Variants in BACH1 observed in about 807,000 individuals in gnomAD.
BACH1 encodes the protein BTB domain and CNC homolog 1.
Under a neutral mutation model 52.9 loss-of-function variants are expected in BACH1, and 35 were observed. The observed-to-expected ratio is 0.66, with a 90% CI of 0.51 to 0.88. The LOEUF is 0.88. BACH1 is among the 40% of genes least tolerant of loss of function. The pLI is 0.00. For synonymous variants in BACH1, 321 were observed against 319.6 expected, an observed-to-expected ratio of 1.00 and a Z score of -0.05; for missense variants, 808 against 872.6, an observed-to-expected ratio of 0.93 and a Z score of 0.93.
intron 2 of BACH1, among the ~76,000 whole-genome samples, chr21:29,323,049 CA>C (rs1741964972): frequency 6.6e-6 from 1 of 152,010 alleles, no homozygotes; most frequent in Non-Finnish European, 1.5e-5. Flanking sequence ...CATAAGTTTT[CA>C]AATATTTGAA....
At chr21:29,335,067 T>G (rs2089028962) in intron 4 of BACH1, among the ~76,000 whole-genome samples, 2 of 152,186 alleles carry the variant, frequency 1.3e-5, no homozygotes, top group South Asian at 4.1e-4. Flanking sequence ...GACCTTGCAT[T>G]TGATACAAGT....
intron 2 of BACH1, among the ~76,000 whole-genome samples, chr21:29,324,998 G>A (rs928743412): frequency 6.6e-6 from 1 of 152,134 alleles, no homozygotes; most frequent in Non-Finnish European, 1.5e-5. Flanking sequence ...GGAGGCCTAG[G>A]CGAGTGGATC....
At chr21:29,335,590 G>C (rs1411384232) in intron 4 of BACH1, among the ~76,000 whole-genome samples, 2 of 152,152 alleles carry the variant, frequency 1.3e-5, no homozygotes, top group African/African-American at 2.4e-5. Context: ...AAAGTTAAAT[G>C]AATGGGTACC....
chr21:29,347,220 T>G (rs185529668), downstream of BACH1, among the ~76,000 whole-genome samples: 1 of 152,318 alleles, frequency 6.6e-6, no homozygotes, highest in Non-Finnish European at 1.5e-5. Context: ...TCTAGCTGTT[T>G]AGCCCAGTGA....
intron 3 of BACH1, 151 bp from the exon 4 acceptor site, chr21:29,329,336 T>G: frequency 1.1e-5 from 5 of 473,878 alleles, no homozygotes; most frequent in East Asian, 3.6e-5. Context: ...GATATCCTTT[T>G]GAGATTGTAT....
intron 2 of BACH1, among the ~76,000 whole-genome samples, chr21:29,352,375 G>A (rs2089207970): frequency 6.6e-6 from 1 of 152,120 alleles, no homozygotes; most frequent in Non-Finnish European, 1.5e-5. Context: ...TTGAAGCCTG[G>A]TTTTGATGCT....
rs140585235 is a variant in BACH1, at chr21:29,327,336, T to G, written c.1512T>G (p.Ser504=). Residue 504 remains serine (S), a synonymous_variant, in exon 3 of 5, where the codon TCT becomes TCG. Transcript: ENST00000286800. Reference sequence around the variant, plus strand: ...GTGTCATTAGCTTGGGAGACGACTCTGAGACGGACACCGAAGGAGACAGTG... The same window carrying G: ...GTGTCATTAGCTTGGGAGACGACTCGGAGACGGACACCGAAGGAGACAGTG... The part of the protein sequence containing the change: ...YACVISLGDD[S]ETDTEGDSES... 273 of 1,614,228 alleles carry G rather than the reference T, an allele frequency of 1.7e-4. No homozygotes were observed. In the African/African-American group the frequency reaches 3.4e-3, roughly 20 times the overall value.
In BACH1 at chr21:29,342,822, A is replaced by G. The variant is rs776444258; in HGVS notation, c.2200A>G (p.Thr734Ala). 2.5e-6 allele frequency: 4 copies of G among 1,584,016 alleles called. No homozygotes were observed. The highest frequency in any genetic ancestry group is 2.6e-6 in the Non-Finnish European group (3 of 1,161,092). The change falls in exon 5 of 5, where the codon ACT becomes GCT. Residue 734 changes from threonine (T) to alanine (A), a missense_variant. By Grantham distance (58) the Thr-to-Ala change is moderately conservative. Transcript: ENST00000286800. Reference sequence around the variant, plus strand: ...TCAGCAGATGACTGATAAATGTACTACTGATGAGTAAACTTGCATTCACTT... The same window carrying G: ...TCAGCAGATGACTGATAAATGTACTGCTGATGAGTAAACTTGCATTCACTT... ...FCQQMTDKCT[T>A]DE
rs1326120679 is a variant in BACH1 at position 29,326,927 on chromosome 21, C to T, written c.1103C>T (p.Pro368Leu). The T allele has an allele frequency of 3.1e-6, 5 of 1,614,092 alleles. No homozygotes were observed. The highest frequency in any genetic ancestry group is 4.2e-6 in the Non-Finnish European group (5 of 1,180,052). Reference protein sequence around the residue: ...EKTFGESQDLPLKSDLGTRED... With the variant: ...EKTFGESQDLLLKSDLGTRED... ...ACATTTGGTGAAAGTCAGGATTTAC[C>T]TTTGAAATCCGACTTGGGCACCAGG... Residue 368 changes from proline (P) to leucine (L), a missense_variant, in exon 3 of 5, where the codon CCT (proline) becomes CTT (leucine). Pro to Leu is a moderately conservative substitution (Grantham distance 98). Coordinates refer to ENST00000286800, the MANE Select transcript of BACH1 (RefSeq NM_001186.4).
chr21:29,327,831 A>C (rs2088932753), intron 3 of BACH1, among the ~76,000 whole-genome samples: 1 of 152,226 alleles, frequency 6.6e-6, no homozygotes, highest in African/African-American at 2.4e-5. Context: ...AAAATTTTTT[A>C]AAAACACTGT....
chr21:29,324,826 A>G (rs1456966154), intron 2 of BACH1, among the ~76,000 whole-genome samples: 1 of 152,168 alleles, frequency 6.6e-6, no homozygotes, highest in East Asian at 1.9e-4. Flanking sequence ...CCCACTAGCA[A>G]TATGTGAGTG....
downstream of BACH1, among the ~76,000 whole-genome samples, chr21:29,347,983 A>G (rs775342670): frequency 2.6e-5 from 4 of 152,174 alleles, no homozygotes; most frequent in Non-Finnish European, 5.9e-5. Flanking sequence ...ACTTTTAGAG[A>G]AAAAAATTCA....
intron 4 of BACH1, among the ~76,000 whole-genome samples, chr21:29,341,085 G>A (rs2089107320): frequency 6.6e-6 from 1 of 151,478 alleles, no homozygotes; most frequent in Non-Finnish European, 1.5e-5. Flanking sequence ...AATATTACAA[G>A]GCTTTAAAAT....
chr21:29,313,734 A>G (rs539107942), intron 1 of BACH1, among the ~76,000 whole-genome samples: 3 of 152,346 alleles, frequency 2.0e-5, no homozygotes, highest in Admixed American at 2.0e-4. Flanking sequence ...ATGTGATTCT[A>G]TTTGTATAAA....
At chr21:29,300,075 C>T (rs958192180) in intron 1 of BACH1, 5 of 152,206 alleles carry the variant, frequency 3.3e-5, no homozygotes, top group Non-Finnish European at 7.3e-5. Flanking sequence ...TTGCTTCTTC[C>T]TGGTCTTTGG....
chr21:29,318,682 G>A (rs1477183993), intron 1 of BACH1, among the ~76,000 whole-genome samples: 2 of 152,214 alleles, frequency 1.3e-5, no homozygotes, highest in African/African-American at 4.8e-5. Flanking sequence ...AGGATGAGAA[G>A]CGGTGGGCCA....
intron 1 of BACH1, among the ~76,000 whole-genome samples, chr21:29,306,645 A>C (rs545244640): frequency 1.3e-5 from 2 of 152,272 alleles, no homozygotes; most frequent in East Asian, 3.9e-4. Context: ...TTAGAAAGTG[A>C]GGGGGTGAAT....
At chr21:29,353,673 G>A (rs1238749828) in intron 2 of BACH1, among the ~76,000 whole-genome samples, 3 of 152,128 alleles carry the variant, frequency 2.0e-5, no homozygotes, top group Admixed American at 6.5e-5. Context: ...TGGTAGTGCT[G>A]GGACTGTAAC....
intron 1 of BACH1, among the ~76,000 whole-genome samples, chr21:29,300,449 G>A (rs2088590674): frequency 6.6e-6 from 1 of 152,180 alleles, no homozygotes; most frequent in Admixed American, 6.5e-5. Flanking sequence ...GGACCCAGCT[G>A]GGGTTGTTTT....
Sources: gnomAD v4.1 joint callset for allele counts (sites outside exome capture counted in the v4.1 genomes callset) on GRCh38, gnomAD v4.1.1 for gene constraint, MANE v1.5 for transcripts, NCBI Gene and HGNC (gene_info 2026-07-23, HGNC 2026-07-21) for gene names.